The following ABCA3 variants were observed in gnomAD, a reference collection of about 807,000 sequenced individuals.
The protein encoded by ABCA3 is ATP binding cassette subfamily A member 3.
Under a neutral mutation model 172.8 loss-of-function variants are expected in ABCA3, and 88 were observed. The observed-to-expected ratio is 0.51, with a 90% CI of 0.43 to 0.61. The LOEUF is 0.61. Among genes scored for constraint, ABCA3 ranks in the 20% least tolerant of loss-of-function variants. The pLI, the probability that ABCA3 is intolerant of heterozygous loss-of-function variation, is 0.00. For synonymous variants in ABCA3, 1,066 were observed against 983.8 expected (o/e 1.08, Z -1.56); for missense variants, 2,164 against 2,301.0 (o/e 0.94, Z 1.22).
At chr16:2,292,809 C>G (rs902409955) in intron 18 of ABCA3, among the ~76,000 whole-genome samples, 1 of 151,602 alleles carries the variant, frequency 6.6e-6, no homozygotes, top group Non-Finnish European at 1.5e-5. Flanking sequence ...ACAAAAACTA[C>G]CCAGTCATGG....
Position 2,277,651 on chromosome 16 carries a change from C to T in ABCA3, c.4929G>A (p.Glu1643=). Residue 1643 remains glutamate, a synonymous_variant, in exon 32 of 33, where the codon GAG becomes GAA. Coordinates refer to ENST00000301732, the MANE Select transcript of ABCA3 (RefSeq NM_001089.3). This position sits in a 1 kb window ranked among gnomAD's most constrained non-coding sequence, Gnocchi z 5.3. ...GGTGGTAATGGACCATGCCTTGGTGCTCATCTTCCAGGACGCTGCCTGCAC... is the reference window on the plus strand; with the variant it reads ...GGTGGTAATGGACCATGCCTTGGTGTTCATCTTCCAGGACGCTGCCTGCAC... ...LTFPGSVLED[E]HQGMVHYHLP... 1.2e-6 allele frequency: 2 copies of T among 1,613,192 alleles called. No individual in the cohort carries two copies. The highest frequency in any genetic ancestry group is 2.2e-5 in the East Asian group (1 of 44,874).
chr16:2,281,459 C>G lies in ABCA3; in HGVS notation c.4086G>C (p.Ala1362=). The stretch of plus-strand genomic sequence containing the variant: ...GGGCCAGGATGCGGGTCCTCTCGTC[C>G]GCTACATCTTGGTCCTCAGGAAGCA... ...MPVLPEDQDV[A]DERTRILAPS... is the part of the protein sequence containing the mutation. The change falls in exon 27 of 33, where the codon GCG becomes GCC. Residue 1362 remains alanine (A), a synonymous_variant. Transcript: ENST00000301732. This position sits in a 1 kb window ranked among gnomAD's most constrained non-coding sequence, Gnocchi z 4.7. The G allele has an allele frequency of 6.2e-7, 1 of 1,613,666 alleles. No homozygotes were observed. Among genetic ancestry groups the G allele is most frequent in the Non-Finnish European group, 8.5e-7 (1 of 1,180,024 alleles).
At position 2,276,654 on chromosome 16, in the gene ABCA3, G is replaced by A. The variant is rs1433913010; in HGVS notation, c.*20C>T. The A allele has an allele frequency of 1.9e-6, 3 of 1,611,778 alleles. No homozygotes were observed. Among genetic ancestry groups the A allele is most frequent in the African/African-American group, 2.7e-5 (2 of 75,060 alleles). On this transcript the variant is annotated 3_prime_UTR_variant, in exon 33 of 33. Transcript: ENST00000301732. ...CTTGCCCGTCCTGTCCCTGCCTGATGGCGAGACAGCCGCCACCCCTCATCG... is the reference window on the plus strand; with the variant it reads ...CTTGCCCGTCCTGTCCCTGCCTGATAGCGAGACAGCCGCCACCCCTCATCG...
rs780520607 is a variant in ABCA3 at position 2,326,307 on chromosome 16, C to T, written c.55-33G>A. Reference sequence around the variant, plus strand: ...AGATACAATAGGGCACGGTGATGGGCTGCAAGGCAGAAGCAGGGGCATGCA... The same window carrying T: ...AGATACAATAGGGCACGGTGATGGGTTGCAAGGCAGAAGCAGGGGCATGCA... On this transcript the variant is annotated intron_variant, in intron 4 of 32. Transcript: ENST00000301732. 4.2e-5 allele frequency: 67 copies of T among 1,611,484 alleles called. No homozygotes were observed. In the South Asian group the frequency reaches 6.7e-4, roughly 16 times the overall value.
At chr16:2,313,552 C>CAAAA (rs56389139) in intron 10 of ABCA3, among the ~76,000 whole-genome samples, 30 of 61,632 alleles carry the variant, frequency 4.9e-4, no homozygotes, top group African/African-American at 7.7e-4. Flanking sequence ...GACTCTGTCA[C>CAAAA]AAAAAAAAAA....
chr16:2,276,332 A>T lies in ABCA3; in HGVS notation c.*342T>A, dbSNP rs1200946663. ...GGACAAGTCACTGGGTCCTCTCTCC[A>T]GGGAGTGCCTGGAGAAATTCAACCC... On this transcript the variant is annotated 3_prime_UTR_variant, in exon 33 of 33. Transcript: ENST00000301732. 1 of 486,162 alleles carries T rather than the reference A, an allele frequency of 2.1e-6. No individual in the cohort carries two copies. The highest frequency in any genetic ancestry group is 2.3e-5 in the Admixed American group (1 of 43,316). The allele number at this position is 486,162 out of a possible 1,614,324, so 30.1% of individuals were successfully genotyped here.
rs374094823 is a variant in ABCA3, at chr16:2,297,723, C to A, written c.2052+43G>T. 1.3e-5 allele frequency: 21 copies of A among 1,604,534 alleles called. No individual in the cohort carries two copies. The highest frequency in any genetic ancestry group is 1.6e-5 in the Non-Finnish European group (19 of 1,179,886). ...CCATGGCGGAAGGGCCATCCCAGGT[C>A]GAGCAGGAGGGGAACCCACTGCCTC... On this transcript the variant is annotated intron_variant, in intron 16 of 32. Coordinates refer to ENST00000301732, the MANE Select transcript of ABCA3 (RefSeq NM_001089.3). This position sits in a 1 kb window ranked among gnomAD's most constrained non-coding sequence, Gnocchi z 5.6.
At chr16:2,300,465 C>T (rs560425704) in intron 12 of ABCA3, among the ~76,000 whole-genome samples, 3 of 152,240 alleles carry the variant, frequency 2.0e-5, no homozygotes, top group African/African-American at 4.8e-5. Flanking sequence ...AGTTATCTAA[C>T]GCTCCAGTCC....
intron 5 of ABCA3, among the ~76,000 whole-genome samples, chr16:2,325,473 G>A (rs986069477): frequency 7.2e-5 from 11 of 152,178 alleles, no homozygotes; most frequent in Non-Finnish European, 1.3e-4. Flanking sequence ...TGGCTCAGCC[G>A]CCGAGAAGAG....
intron 17 of ABCA3, among the ~76,000 whole-genome samples, chr16:2,296,780 T>C (rs1310720682): frequency 2.0e-5 from 3 of 152,060 alleles, no homozygotes; most frequent in Non-Finnish European, 4.4e-5. Flanking sequence ...TGCCACTCAG[T>C]CACTAGGGGG....
intron 6 of ABCA3, among the ~76,000 whole-genome samples, 192 bp from the exon 7 acceptor site, chr16:2,323,880 A>G (rs2093730084): frequency 6.6e-6 from 1 of 152,144 alleles, no homozygotes; most frequent in African/African-American, 2.4e-5. Context: ...AGGGAGCCAC[A>G]CAGGGGCCCC....
chr16:2,278,549 C>T lies in ABCA3; in HGVS notation c.4548-91G>A, dbSNP rs943809541. The stretch of plus-strand genomic sequence containing the variant: ...GTGGAGGCCCGTGTCCCAGCAGCGG[C>T]CCACACCCAGCAATTGCAGAACAGC... On this transcript the variant is annotated intron_variant, in intron 29 of 32. Coordinates refer to ENST00000301732, the MANE Select transcript of ABCA3 (RefSeq NM_001089.3). The surrounding 1 kb of genome is among the most constrained non-coding windows in gnomAD (Gnocchi z 4.4). The T allele has an allele frequency of 2.6e-6, 4 of 1,511,350 alleles. No homozygotes were observed. In the East Asian group the frequency reaches 9.2e-5, roughly 35 times the overall value. 93.6% of individuals were successfully genotyped at this position (1,511,350 alleles called of 1,614,324 possible).
intron 1 of ABCA3, chr16:2,332,234 T>G: frequency 5.3e-6 from 1 of 189,140 alleles, no homozygotes; most frequent in Non-Finnish European, 1.1e-5. Context: ...CCTCCATTTC[T>G]TTTTTTTTTT....
At chr16:2,320,079 CA>C (rs951183106) in intron 7 of ABCA3, among the ~76,000 whole-genome samples, 1 of 149,910 alleles carries the variant, frequency 6.7e-6, no homozygotes, top group Non-Finnish European at 1.5e-5. Context: ...ACACAACACA[CA>C]AAAAAAATCA....
intron 1 of ABCA3, chr16:2,332,772 G>T: frequency 1.2e-6 from 1 of 856,214 alleles, no homozygotes; most frequent in Non-Finnish European, 1.8e-6. Flanking sequence ...AGGTATTTTT[G>T]TGTGCACCAT....
At chr16:2,318,710 A>C (rs2093720673) in intron 8 of ABCA3, among the ~76,000 whole-genome samples, 1 of 151,868 alleles carries the variant, frequency 6.6e-6, no homozygotes, top group African/African-American at 2.4e-5. Flanking sequence ...ACACGGTTTC[A>C]CCTTGCTGTC....
chr16:2,297,215 G>C lies in ABCA3; in HGVS notation c.2263+114C>G. On this transcript the variant is annotated intron_variant, in intron 17 of 32. Coordinates refer to ENST00000301732, the MANE Select transcript of ABCA3 (RefSeq NM_001089.3). The surrounding 1 kb of genome is among the most constrained non-coding windows in gnomAD (Gnocchi z 5.6). ...TCCACCCAGAGGCAACAGACAGGAA[G>C]TCTAGAAAAGGCCACCCCTGCCTGA... 8.4e-7 allele frequency: 1 copy of C among 1,186,844 alleles called. No homozygotes were observed. Among genetic ancestry groups the C allele is most frequent in the Non-Finnish European group, 1.2e-6 (1 of 826,780 alleles). 73.5% of individuals were successfully genotyped at this position (1,186,844 alleles called of 1,614,324 possible). A position where few individuals can be genotyped will look rare whatever the true frequency, so the allele number is the denominator to read the frequency against.
chr16:2,280,533 A>G (rs780205363), intron 28 of ABCA3, among the ~76,000 whole-genome samples: 1 of 152,162 alleles, frequency 6.6e-6, no homozygotes, highest in Non-Finnish European at 1.5e-5. Flanking sequence ...GCCACTTCTC[A>G]GCCCCAGGCC....
rs529131847 is a variant in ABCA3 at position 2,285,052 on chromosome 16, G to A, written c.3484-54C>T. ...GCATGCCAAGCTGAGAGGAGCTCAC[G>A]GGTAGGGAAGGGGTGAGAGGAGCAT... On this transcript the variant is annotated intron_variant, in intron 23 of 32. Transcript: ENST00000301732. The surrounding 1 kb of genome is among the most constrained non-coding windows in gnomAD (Gnocchi z 4.7). 1.7e-5 allele frequency: 26 copies of A among 1,566,696 alleles called. No individual in the cohort carries two copies. The highest frequency in any genetic ancestry group is 9.3e-5 in the East Asian group (4 of 43,184).
Sources: gnomAD v4.1 joint callset for allele counts (sites outside exome capture counted in the v4.1 genomes callset) on GRCh38, gnomAD v4.1.1 for gene constraint, Gnocchi (gnomAD v3.1) non-coding constraint, MANE v1.5 for transcripts, NCBI Gene and HGNC (gene_info 2026-07-23, HGNC 2026-07-21) for gene names.